The following SOX5 variants were observed in gnomAD, a reference collection of about 807,000 sequenced individuals.
SOX5 encodes the protein transcription factor SOX-5.
SOX5 carries 9 observed loss-of-function variants against 92.0 expected under a neutral mutation model. The ratio of observed to expected loss-of-function variants is 0.10; its 90% confidence interval spans 0.06 to 0.17. The LOEUF is 0.17. Ranked by LOEUF, SOX5 falls within the 10% of genes least tolerant of loss-of-function variation. The pLI, the probability that SOX5 is intolerant of heterozygous loss-of-function variation, is 1.00. For synonymous variants in SOX5, 344 were observed against 336.3 expected (o/e 1.02, Z -0.25); for missense variants, 642 against 944.5 (o/e 0.68, Z 4.20).
At chr12:24,171,615 C>A (rs759915308) in intron 4 of SOX5, among the ~76,000 whole-genome samples, 1 of 152,062 alleles carries the variant, frequency 6.6e-6, no homozygotes, top group South Asian at 2.1e-4. Context: ...CTTTCATATG[C>A]GCTTTCTGAA....
At chr12:23,666,419 G>T (rs1287868446) in intron 6 of SOX5, among the ~76,000 whole-genome samples, 5 of 152,090 alleles carry the variant, frequency 3.3e-5, no homozygotes. Flanking sequence ...GAGCCGAAAA[G>T]GAATTTTTAG....
chr12:23,743,645 GA>G (rs1208574440), intron 4 of SOX5, among the ~76,000 whole-genome samples: 3 of 152,052 alleles, frequency 2.0e-5, no homozygotes, highest in East Asian at 1.9e-4. Flanking sequence ...TCCACACTCA[GA>G]AAAAACTTAT....
chr12:24,506,418 A>AAGAGAG (rs559214768), intron 1 of SOX5, among the ~76,000 whole-genome samples: 5 of 146,850 alleles, frequency 3.4e-5, no homozygotes, highest in African/African-American at 7.5e-5. Flanking sequence ...AAAAAAAAAA[A>AAGAGAG]AGAGAGAGAG....
intron 3 of SOX5, among the ~76,000 whole-genome samples, chr12:24,272,971 G>A (rs1467741664): frequency 6.6e-6 from 1 of 152,052 alleles, no homozygotes; most frequent in Non-Finnish European, 1.5e-5. Context: ...AGTGGCTCAC[G>A]CCGGTAATCC....
intron 1 of SOX5, among the ~76,000 whole-genome samples, chr12:23,912,650 C>A (rs1334849350): frequency 6.6e-6 from 1 of 151,990 alleles, no homozygotes; most frequent in African/African-American, 2.4e-5. Flanking sequence ...GAACATGATT[C>A]AATAATAAAA....
rs372876127 is a variant in SOX5, at chr12:23,826,860, C to T, written c.481+19123G>A. 2.8e-4 allele frequency among the ~76,000 whole-genome samples: 42 copies of T among 152,126 alleles called. No individual in the cohort carries two copies. In the East Asian group the frequency reaches 6.7e-3, roughly 24 times the overall value. ...TTTTACAGACAAAGCATAACTTATCCGAAAAGAAAGGTCTAAGCAACAGAG... is the reference window on the plus strand; with the variant it reads ...TTTTACAGACAAAGCATAACTTATCTGAAAAGAAAGGTCTAAGCAACAGAG... On this transcript the variant is annotated intron_variant, in intron 3 of 14. Coordinates refer to ENST00000451604, the MANE Select transcript of SOX5 (RefSeq NM_006940.6).
intron 3 of SOX5, among the ~76,000 whole-genome samples, chr12:24,250,697 T>C (rs1460057635): frequency 1.3e-5 from 2 of 152,222 alleles, no homozygotes; most frequent in East Asian, 3.8e-4. Context: ...TAGTAATTTA[T>C]GGTGTCAACT....
intron 3 of SOX5, among the ~76,000 whole-genome samples, chr12:24,271,908 T>C (rs757380242): frequency 9.2e-5 from 14 of 152,134 alleles, no homozygotes; most frequent in Non-Finnish European, 8.8e-5. Context: ...ATTGCTCCTT[T>C]ATAAAGAGTA....
intron 1 of SOX5, among the ~76,000 whole-genome samples, chr12:24,548,247 G>C (rs1952833870): frequency 6.6e-6 from 1 of 152,192 alleles, no homozygotes; most frequent in Non-Finnish European, 1.5e-5. Flanking sequence ...TCTCTCAGGA[G>C]ATAAGACATG....
At chr12:23,755,505 A>C in intron 4 of SOX5, 133 bp downstream of exon 4, 1 of 634,054 alleles carries the variant, frequency 1.6e-6, no homozygotes, top group Non-Finnish European at 2.7e-6. Context: ...TCAAGATAGA[A>C]AGAAGAAACC....
intron 3 of SOX5, among the ~76,000 whole-genome samples, chr12:24,256,861 T>G (rs1048212482): frequency 3.3e-5 from 5 of 152,224 alleles, no homozygotes; most frequent in African/African-American, 1.2e-4. Context: ...TTTGCTATAA[T>G]TATTAATTGC....
In SOX5 at chr12:24,362,865, T is replaced by TG. The variant is rs1267775055; in HGVS notation, c.-174+5697dup. 9.0e-5 allele frequency among the ~76,000 whole-genome samples: 6 copies of TG among 66,578 alleles called. No homozygotes were observed. The South Asian group carries it at 1.5e-3, about 17-fold the overall frequency. 43.7% of individuals were successfully genotyped at this position (66,578 alleles called of 152,430 possible). A position where few individuals can be genotyped will look rare whatever the true frequency, so the allele number is the denominator to read the frequency against. On this transcript the variant is annotated intron_variant, in intron 2 of 4. Coordinates refer to the SOX5 transcript ENST00000446891. ...ATCACAGTGGGCTAAGAAACCACAG[T>TG]GAAAAAAAAAAAAAAAAAAGGAGGG...
chr12:24,047,366 G>C lies in SOX5; in HGVS notation c.-1-151342C>G, dbSNP rs539935248. Among the ~76,000 whole-genome samples, 17 of 152,328 alleles carry C rather than the reference G, an allele frequency of 1.1e-4. No individual in the cohort carries two copies. The South Asian group carries it at 3.3e-3, about 30-fold the overall frequency. On this transcript the variant is annotated intron_variant, in intron 4 of 4. Coordinates refer to the SOX5 transcript ENST00000446891. ...GACTTTAAATGAAGCAAAAAGGATT[G>C]AGGTTACACACAATTTTGCACACAG...
chr12:24,342,643 A>G (rs1455223198), intron 2 of SOX5, among the ~76,000 whole-genome samples: 1 of 152,126 alleles, frequency 6.6e-6, no homozygotes, highest in Non-Finnish European at 1.5e-5. Flanking sequence ...TCCTCCTGCC[A>G]TTGCCTTAGT....
intron 4 of SOX5, among the ~76,000 whole-genome samples, chr12:24,021,065 C>T (rs978779233): frequency 7.2e-5 from 11 of 152,126 alleles, no homozygotes; most frequent in Non-Finnish European, 1.0e-4. Flanking sequence ...ACCACAGGAG[C>T]GAGTGACATC....
intron 6 of SOX5, among the ~76,000 whole-genome samples, chr12:23,704,460 G>A (rs2091094077): frequency 6.6e-6 from 1 of 151,110 alleles, no homozygotes; most frequent in Admixed American, 6.6e-5. Flanking sequence ...TAGCCTTATG[G>A]CATTAAAATG....
At chr12:23,550,371 G>A (rs987098875) in intron 11 of SOX5, among the ~76,000 whole-genome samples, 2 of 151,846 alleles carry the variant, frequency 1.3e-5, no homozygotes, top group Non-Finnish European at 2.9e-5. Context: ...TCGAGTCCCA[G>A]AATCCTAATT....
intron 9 of SOX5, among the ~76,000 whole-genome samples, chr12:23,592,994 G>T (rs1951791701): frequency 6.6e-6 from 1 of 152,050 alleles, no homozygotes; most frequent in South Asian, 2.1e-4. Context: ...CAGGAGAATT[G>T]CTTGAACCTG....
chr12:23,920,889 T>C (rs1008763268), intron 1 of SOX5, among the ~76,000 whole-genome samples: 4 of 152,146 alleles, frequency 2.6e-5, no homozygotes, highest in Admixed American at 1.3e-4. Context: ...TAAGAACAAG[T>C]ATTATGAAAA....
Sources: allele counts gnomAD v4.1 joint callset (sites outside exome capture counted in the v4.1 genomes callset), GRCh38; gene constraint gnomAD v4.1.1; transcripts MANE v1.5; gene names NCBI Gene and HGNC (gene_info 2026-07-23, HGNC 2026-07-21).